Variants in CC2D2B observed in about 807,000 individuals in gnomAD.
The protein encoded by CC2D2B is coiled-coil and C2 domain containing 2B.
Under a neutral mutation model 161.2 loss-of-function variants are expected in CC2D2B, and 128 were observed. The observed-to-expected ratio is 0.79, with a 90% CI of 0.69 to 0.92. The LOEUF is 0.92. Ranked by LOEUF, CC2D2B falls within the 40% of genes least tolerant of loss-of-function variation. The pLI, the probability that CC2D2B is intolerant of heterozygous loss-of-function variation, is 0.00. For synonymous variants in CC2D2B, 391 were observed against 449.8 expected, an observed-to-expected ratio of 0.87 and a Z score of 1.65; for missense variants, 1,173 against 1,375.1, an observed-to-expected ratio of 0.85 and a Z score of 2.32.
In CC2D2B at chr10:96,032,042, T is replaced by C. The variant is rs774455881; in HGVS notation, c.*34T>C. 2 of 1,511,668 alleles carry C rather than the reference T, an allele frequency of 1.3e-6. No homozygotes were observed. Among genetic ancestry groups the C allele is most frequent in the Non-Finnish European group, 9.1e-7 (1 of 1,098,104 alleles). The allele number at this position is 1,511,668 out of a possible 1,614,324, so 93.6% of individuals were successfully genotyped here. On this transcript the variant is annotated 3_prime_UTR_variant, in exon 35 of 35. Coordinates refer to ENST00000646931, the MANE Select transcript of CC2D2B (RefSeq NM_001349008.3). ...CAGAGCAAAGTAAAAGATTGTACTATAGTCCTCTAGTACCAACAAAAACTT... is the reference window on the plus strand; with the variant it reads ...CAGAGCAAAGTAAAAGATTGTACTACAGTCCTCTAGTACCAACAAAAACTT...
chr10:96,028,714 G>C (rs1033980281), intron 34 of CC2D2B, among the ~76,000 whole-genome samples: 5 of 152,148 alleles, frequency 3.3e-5, no homozygotes, highest in African/African-American at 1.2e-4. Flanking sequence ...GCCAAGATTT[G>C]CAAGCAACCT....
chr10:95,998,654 A>G (rs1466238637), intron 24 of CC2D2B, among the ~76,000 whole-genome samples: 2 of 152,158 alleles, frequency 1.3e-5, no homozygotes, highest in African/African-American at 4.8e-5. Context: ...GACTTGGGAA[A>G]GAGTTGCAGT....
Position 96,012,702 on chromosome 10 carries a change from A to G in CC2D2B, c.3399A>G (p.Ile1133Met). ...ATCCACCTCAGCAACTTCTGGATAT[A>G]TTTCTTCACAATTCTAATGCAACAT... Reference protein sequence around the residue: ...ALNPPQQLLDIFLHNSNATFD... With the variant: ...ALNPPQQLLDMFLHNSNATFD... The change falls in exon 28 of 35, where the codon ATA becomes ATG. Residue 1133 changes from isoleucine (I) to methionine (M), a missense_variant. Coordinates refer to ENST00000646931, the MANE Select transcript of CC2D2B (RefSeq NM_001349008.3). The G allele has an allele frequency of 6.2e-7, 1 of 1,601,076 alleles. No homozygotes were observed.
At chr10:95,930,027 G>A (rs1045270418) in intron 6 of CC2D2B, among the ~76,000 whole-genome samples, 5 of 152,186 alleles carry the variant, frequency 3.3e-5, no homozygotes, top group Non-Finnish European at 7.3e-5. Context: ...CTATCCATGA[G>A]CATGGAATAT....
At chr10:95,947,348 G>A (rs1195097781) in intron 9 of CC2D2B, among the ~76,000 whole-genome samples, 2 of 150,764 alleles carry the variant, frequency 1.3e-5, no homozygotes, top group Non-Finnish European at 3.0e-5. Flanking sequence ...CTTGACCTCA[G>A]GTGGTCCACC....
chr10:96,011,583 G>A lies in CC2D2B; in HGVS notation c.3046-602G>A, dbSNP rs139059230. ...TTTTTTTGAGACAGCATCTCACTGC[G>A]TTGCCCAGGCTGGAATGCAGTGGGA... On this transcript the variant is annotated intron_variant, in intron 26 of 34. Transcript: ENST00000646931. Among the ~76,000 whole-genome samples, 21 of 152,168 alleles carry A rather than the reference G, an allele frequency of 1.4e-4. 1 individual carries two copies. Among genetic ancestry groups the A allele is most frequent in the East Asian group, 9.6e-4 (5 of 5,186 alleles).
chr10:95,979,921 A>G (rs546691730), intron 17 of CC2D2B, among the ~76,000 whole-genome samples: 1 of 152,300 alleles, frequency 6.6e-6, no homozygotes, highest in South Asian at 2.1e-4. Flanking sequence ...ATTTTACCTC[A>G]ATTTACAAAT....
Position 95,981,973 on chromosome 10 carries a change from AG to A in CC2D2B, c.1944-1del, listed in dbSNP as rs2077548156. The A allele has an allele frequency of 1.6e-6, 2 of 1,221,642 alleles. No homozygotes were observed. The highest frequency in any genetic ancestry group is 8.3e-5 in the South Asian group (2 of 24,072). The allele number at this position is 1,221,642 out of a possible 1,614,324, so 75.7% of individuals were successfully genotyped here. A position where few individuals can be genotyped will look rare whatever the true frequency, so the allele number is the denominator to read the frequency against. On this transcript the variant is annotated splice_acceptor_variant, in intron 17 of 34. Coordinates refer to ENST00000646931, the MANE Select transcript of CC2D2B (RefSeq NM_001349008.3). LOFTEE classifies it high-confidence loss of function. ...GTTCACAAAATATTTTCTCTATGTT[AG>A]TATGTTAAGGAATGTAGATGCAAGA...
intron 6 of CC2D2B, among the ~76,000 whole-genome samples, chr10:95,932,169 A>C (rs1233355576): frequency 6.6e-6 from 1 of 152,110 alleles, no homozygotes; most frequent in African/African-American, 2.4e-5. Flanking sequence ...TTGTTGGTTT[A>C]AAGTATGTTT....
chr10:95,971,610 A>G lies in CC2D2B; in HGVS notation c.1645-456A>G, dbSNP rs558035640. On this transcript the variant is annotated intron_variant, in intron 15 of 34. Coordinates refer to ENST00000646931, the MANE Select transcript of CC2D2B (RefSeq NM_001349008.3). The stretch of plus-strand genomic sequence containing the variant: ...AACTCATCCTTGAATTTCATGACCA[A>G]TCACTACCTTTTTCCTAAGCAATTC... 3.9e-5 allele frequency among the ~76,000 whole-genome samples: 6 copies of G among 152,156 alleles called. No homozygotes were observed. The South Asian group carries it at 1.2e-3, about 32-fold the overall frequency.
At chr10:95,993,831 A>T (rs963217510) in intron 22 of CC2D2B, among the ~76,000 whole-genome samples, 1 of 118,010 alleles carries the variant, frequency 8.5e-6, no homozygotes, top group Non-Finnish European at 1.7e-5. Flanking sequence ...ATATATAAAG[A>T]GTGTATATAT....
intron 26 of CC2D2B, among the ~76,000 whole-genome samples, chr10:96,010,722 A>C (rs61869173): frequency 0.13 from 19,538 of 152,116 alleles, 1,322 homozygotes; most frequent in Middle Eastern, 0.17. Context: ...AAAACTTAAC[A>C]TAGGCGATAA....
chr10:95,944,817 G>GA (rs1247782392), intron 9 of CC2D2B, among the ~76,000 whole-genome samples: 1 of 152,122 alleles, frequency 6.6e-6, no homozygotes, highest in East Asian at 1.9e-4. Context: ...CTATAATTTG[G>GA]AAAAAATGTA....
At chr10:95,957,091 C>G (rs1163473874) in intron 11 of CC2D2B, among the ~76,000 whole-genome samples, 4 of 152,034 alleles carry the variant, frequency 2.6e-5, no homozygotes, top group Non-Finnish European at 5.9e-5. Flanking sequence ...AGCTATCCCC[C>G]CACCCCTGCC....
chr10:96,000,454 C>T (rs192788579), intron 24 of CC2D2B, among the ~76,000 whole-genome samples: 2,208 of 152,212 alleles, frequency 0.015, 41 homozygotes, highest in African/African-American at 0.05. Context: ...AGCTCTGCCT[C>T]CCAGGTTCGA....
intron 15 of CC2D2B, among the ~76,000 whole-genome samples, chr10:95,970,510 C>T (rs1590665612): frequency 6.6e-6 from 1 of 152,168 alleles, no homozygotes; most frequent in Non-Finnish European, 1.5e-5. Flanking sequence ...TCAATCTCAT[C>T]GCATCATGGT....
chr10:95,951,167 AT>A (rs202012840), intron 10 of CC2D2B, among the ~76,000 whole-genome samples: 5,666 of 145,798 alleles, frequency 0.039, 147 homozygotes, highest in South Asian at 0.081. Context: ...GACTTAATCC[AT>A]TTTTTTTTTT....
At chr10:96,029,241 C>CATATATATATATATATATAT (rs56195141) in intron 34 of CC2D2B, among the ~76,000 whole-genome samples, 14 of 67,146 alleles carry the variant, frequency 2.1e-4, no homozygotes, top group Admixed American at 4.0e-4. Flanking sequence ...TTTCATGTAC[C>CATATATATATATATATATAT]ATATATATAT....
chr10:95,995,338 A>G lies in CC2D2B; in HGVS notation c.2712A>G (p.Ser904=). The change falls in exon 23 of 35, where the codon TCA becomes TCG. Residue 904 remains serine, a synonymous_variant. Transcript: ENST00000646931. The part of the protein sequence containing the change: ...SCLRHRETIK[S]VASDETLHED... The stretch of plus-strand genomic sequence containing the variant: ...TCAGACATAGAGAAACAATCAAATC[A>G]GTAGCCTCAGATGAGACCTTACATG... 3 of 1,528,526 alleles carry G rather than the reference A, an allele frequency of 2.0e-6. No homozygotes were observed. The highest frequency in any genetic ancestry group is 2.4e-5 in the South Asian group (2 of 83,194). 94.7% of individuals were successfully genotyped at this position (1,528,526 alleles called of 1,614,324 possible). A position where few individuals can be genotyped will look rare whatever the true frequency, so the allele number is the denominator to read the frequency against.
Sources: gnomAD v4.1 joint callset for allele counts (sites outside exome capture counted in the v4.1 genomes callset) on GRCh38, gnomAD v4.1.1 for gene constraint, MANE v1.5 for transcripts, NCBI Gene and HGNC (gene_info 2026-07-23, HGNC 2026-07-21) for gene names.